Variants in KIAA1217 observed in about 807,000 individuals in gnomAD.
KIAA1217 encodes sickle tail protein homolog.
Under a neutral mutation model 163.9 loss-of-function variants are expected in KIAA1217, and 88 were observed. The observed-to-expected ratio is 0.54, with a 90% CI of 0.45 to 0.64. The LOEUF (loss-of-function observed/expected upper bound fraction) is 0.64, where lower values mean the gene tolerates loss of function less well. Among genes scored for constraint, KIAA1217 ranks in the 30% least tolerant of loss-of-function variants. The pLI is 0.00. For synonymous variants in KIAA1217, 903 were observed against 923.1 expected, an observed-to-expected ratio of 0.98 and a Z score of 0.39; for missense variants, 2,372 against 2,475.0, an observed-to-expected ratio of 0.96 and a Z score of 0.88.
At chr10:24,324,757 G>T (rs2044647252) in intron 2 of KIAA1217, among the ~76,000 whole-genome samples, 1 of 151,944 alleles carries the variant, frequency 6.6e-6, no homozygotes, top group South Asian at 2.1e-4. Context: ...GTTTTGTTTT[G>T]TTTAAAAATG....
chr10:24,098,048 A>G (rs979432729), intron 2 of KIAA1217, among the ~76,000 whole-genome samples: 2 of 152,058 alleles, frequency 1.3e-5, no homozygotes, highest in African/African-American at 4.8e-5. Flanking sequence ...GACCCAGAAA[A>G]AAGGCCAGTT....
chr10:23,875,001 G>A (rs1222524628), intron 1 of KIAA1217, among the ~76,000 whole-genome samples: 3 of 151,950 alleles, frequency 2.0e-5, no homozygotes, highest in Non-Finnish European at 4.4e-5. Flanking sequence ...ATATCACATG[G>A]CAAGAGCAGG....
At chr10:23,914,650 C>T (rs1041713946) in intron 1 of KIAA1217, among the ~76,000 whole-genome samples, 3 of 152,118 alleles carry the variant, frequency 2.0e-5, no homozygotes, top group East Asian at 1.9e-4. Context: ...AACCCAGCCC[C>T]GTGGCTCTAT....
At chr10:23,759,564 A>G (rs1260250102) in intron 1 of KIAA1217, among the ~76,000 whole-genome samples, 1 of 152,182 alleles carries the variant, frequency 6.6e-6, no homozygotes, top group East Asian at 1.9e-4. Flanking sequence ...TGGCTCTTTT[A>G]CGATGAGGTA....
intron 3 of KIAA1217, among the ~76,000 whole-genome samples, chr10:24,388,702 C>A (rs2054387575): frequency 6.9e-6 from 1 of 145,552 alleles, no homozygotes; most frequent in South Asian, 2.2e-4. Context: ...AGAACTTAAA[C>A]AAATTTACAA....
At chr10:24,516,774 G>C (rs2070245050) in intron 10 of KIAA1217, among the ~76,000 whole-genome samples, 1 of 152,198 alleles carries the variant, frequency 6.6e-6, no homozygotes, top group Admixed American at 6.5e-5. Context: ...CCACATAGTA[G>C]AAGTAAGAAA....
At chr10:24,064,951 G>T (rs1347853895) in intron 2 of KIAA1217, among the ~76,000 whole-genome samples, 3 of 152,174 alleles carry the variant, frequency 2.0e-5, no homozygotes, top group African/African-American at 7.2e-5. Context: ...AGTATTCTCT[G>T]ATGGTAGTTT....
intron 2 of KIAA1217, among the ~76,000 whole-genome samples, chr10:24,197,780 G>T (rs12242449): frequency 0.037 from 5,700 of 152,242 alleles, 343 homozygotes; most frequent in African/African-American, 0.12. Flanking sequence ...TCTCCACACA[G>T]ATTTATCTCA....
chr10:24,285,796 G>A (rs927438395), intron 2 of KIAA1217, among the ~76,000 whole-genome samples: 1 of 152,132 alleles, frequency 6.6e-6, no homozygotes, highest in South Asian at 2.1e-4. Flanking sequence ...GGGCAGTATG[G>A]ACATTTTAAT....
chr10:24,395,727 C>T (rs987459432), intron 3 of KIAA1217, among the ~76,000 whole-genome samples: 2 of 152,078 alleles, frequency 1.3e-5, no homozygotes, highest in East Asian at 1.9e-4. Flanking sequence ...GGCTGGAGTT[C>T]GGTGGTGCAG....
rs1041229850 is a variant in KIAA1217, at chr10:24,501,416, T to C, written c.1872T>C (p.Ala624=). The C allele has an allele frequency of 6.2e-7, 1 of 1,614,038 alleles. No individual in the cohort carries two copies. The highest frequency in any genetic ancestry group is 1.1e-5 in the South Asian group (1 of 91,060). Residue 624 remains alanine, a synonymous_variant, in exon 9 of 21, where the codon GCT becomes GCC. Transcript: ENST00000376454. ...PHVSGGKMLS[A]LESTVPPSQP... is the part of the protein sequence containing the mutation. The stretch of plus-strand genomic sequence containing the variant: ...TGTCTGGTGGGAAGATGCTCAGTGC[T>C]CTGGAGTCCACGGTGCCTCCCAGCC...
chr10:24,438,201 T>C (rs574151047), intron 4 of KIAA1217, among the ~76,000 whole-genome samples, 185 bp from the exon 5 acceptor site: 1 of 152,230 alleles, frequency 6.6e-6, no homozygotes, highest in South Asian at 2.1e-4. Context: ...TGAAGTCATT[T>C]TTCTTCTTCT....
At chr10:24,161,535 A>C (rs1422725837) in intron 2 of KIAA1217, among the ~76,000 whole-genome samples, 1 of 152,204 alleles carries the variant, frequency 6.6e-6, no homozygotes. Context: ...GTGACAATGG[A>C]TCATGGATTT....
At chr10:24,432,883 G>C (rs1690617261) in intron 3 of KIAA1217, 112 bp from the exon 4 acceptor site, 1 of 754,508 alleles carries the variant, frequency 1.3e-6, no homozygotes, top group Non-Finnish European at 2.2e-6. Context: ...TTACATGCTT[G>C]CCAAGCTTGT....
chr10:24,409,242 A>C (rs117356157), intron 3 of KIAA1217, among the ~76,000 whole-genome samples: 7,224 of 152,286 alleles, frequency 0.047, 224 homozygotes, highest in South Asian at 0.11. Flanking sequence ...CTTATGTCAA[A>C]TATTACTATT....
intron 1 of KIAA1217, among the ~76,000 whole-genome samples, chr10:23,889,847 C>T (rs1841346634): frequency 6.6e-6 from 1 of 151,718 alleles, no homozygotes; most frequent in Non-Finnish European, 1.5e-5. Context: ...TTCAACATTG[C>T]TAAATTCTAT....
chr10:23,808,070 G>A lies in KIAA1217; in HGVS notation c.-321+112836G>A, dbSNP rs61358243. On this transcript the variant is annotated intron_variant, in intron 1 of 18. Coordinates refer to the KIAA1217 transcript ENST00000376462. ...CACCAAAGCGAAGTTAGAACTCCAG[G>A]CTATTGCCACTGCAGATGTAAGGTC... is the stretch of plus-strand genomic sequence containing the variant. Among the ~76,000 whole-genome samples, 457 of 152,320 alleles carry A rather than the reference G, an allele frequency of 3.0e-3. 1 individual carries two copies. Among genetic ancestry groups the A allele is most frequent in the African/African-American group, 0.011 (438 of 41,564 alleles).
chr10:23,840,811 G>T (rs188019722), intron 1 of KIAA1217, among the ~76,000 whole-genome samples: 1 of 152,300 alleles, frequency 6.6e-6, no homozygotes, highest in East Asian at 1.9e-4. Context: ...CATAATCAGA[G>T]TTCGACAGAA....
intron 2 of KIAA1217, among the ~76,000 whole-genome samples, chr10:24,129,263 A>G (rs2131802664): frequency 7.0e-6 from 1 of 142,226 alleles, no homozygotes; most frequent in Non-Finnish European, 1.5e-5. Flanking sequence ...AGCCAGGATG[A>G]AAAACTTATA....
Sources: allele counts gnomAD v4.1 joint callset (sites outside exome capture counted in the v4.1 genomes callset), GRCh38; gene constraint gnomAD v4.1.1; transcripts MANE v1.5; gene names NCBI Gene and HGNC (gene_info 2026-07-23, HGNC 2026-07-21).